HS3ST4: variants seen among roughly 807,000 people sequenced by gnomAD.
The protein encoded by HS3ST4 is heparan sulfate glucosamine 3-O-sulfotransferase 4.
Under a neutral mutation model 29.2 loss-of-function variants are expected in HS3ST4, and 17 were observed. That is an observed-to-expected ratio of 0.58 (90% CI 0.40 to 0.87). The LOEUF is 0.87. HS3ST4 is among the 40% of genes least tolerant of loss of function. The pLI, the probability that HS3ST4 is intolerant of heterozygous loss-of-function variation, is 0.00. For missense variants in HS3ST4, 627 were observed against 634.5 expected, an observed-to-expected ratio of 0.99 and a Z score of 0.13; for synonymous variants, 314 against 285.7, an observed-to-expected ratio of 1.10 and a Z score of -1.00.
chr16:26,031,269 G>A (rs1019646836), intron 1 of HS3ST4, among the ~76,000 whole-genome samples: 6 of 152,138 alleles, frequency 3.9e-5, no homozygotes, highest in African/African-American at 9.7e-5. Flanking sequence ...GCCACTCCCC[G>A]CCCCGGGAAG....
chr16:25,764,722 G>A (rs896006823), intron 1 of HS3ST4, among the ~76,000 whole-genome samples: 32 of 152,220 alleles, frequency 2.1e-4, no homozygotes, highest in African/African-American at 7.5e-4. Flanking sequence ...GGAAAATGAA[G>A]GGAGAATAAT....
intron 1 of HS3ST4, among the ~76,000 whole-genome samples, chr16:25,818,019 G>A (rs577677660): frequency 1.3e-5 from 2 of 152,178 alleles, no homozygotes; most frequent in African/African-American, 2.4e-5. Flanking sequence ...CCACTGTCTC[G>A]CGGCAAGCCA....
At chr16:25,733,863 A>G (rs1011620549) in intron 1 of HS3ST4, among the ~76,000 whole-genome samples, 1 of 152,198 alleles carries the variant, frequency 6.6e-6, no homozygotes, top group Non-Finnish European at 1.5e-5. Context: ...TCACGCCTGT[A>G]ATCTCAACAC....
intron 1 of HS3ST4, among the ~76,000 whole-genome samples, chr16:26,021,601 A>G (rs1255890870): frequency 6.6e-6 from 1 of 152,200 alleles, no homozygotes; most frequent in Non-Finnish European, 1.5e-5. Flanking sequence ...CTCACACATC[A>G]GACATGCGGC....
chr16:26,037,901 C>T (rs925870073), intron 1 of HS3ST4, among the ~76,000 whole-genome samples: 4 of 152,150 alleles, frequency 2.6e-5, no homozygotes, highest in African/African-American at 9.7e-5. Context: ...CCAGTCTTGC[C>T]TCTAGGGTCT....
intron 1 of HS3ST4, among the ~76,000 whole-genome samples, chr16:25,834,978 C>T (rs1308602951): frequency 6.6e-6 from 1 of 151,864 alleles, no homozygotes; most frequent in East Asian, 1.9e-4. Flanking sequence ...AAACAATAAA[C>T]CAACCATCCC....
intron 1 of HS3ST4, among the ~76,000 whole-genome samples, chr16:26,041,687 G>C (rs1160315238): frequency 6.6e-6 from 1 of 152,172 alleles, no homozygotes; most frequent in African/African-American, 2.4e-5. Flanking sequence ...AAAAAAATGA[G>C]TGTGGTTGTG....
chr16:26,034,283 A>T (rs1236856573), intron 1 of HS3ST4, among the ~76,000 whole-genome samples: 1 of 152,152 alleles, frequency 6.6e-6, no homozygotes, highest in Non-Finnish European at 1.5e-5. Flanking sequence ...GCAGCATTTA[A>T]GGGAGCTGTA....
At chr16:25,920,902 G>A (rs930681985) in intron 1 of HS3ST4, among the ~76,000 whole-genome samples, 7 of 152,172 alleles carry the variant, frequency 4.6e-5, no homozygotes, top group African/African-American at 1.7e-4. Context: ...ACAGGTGTGA[G>A]CCACCACGCC....
intron 1 of HS3ST4, among the ~76,000 whole-genome samples, chr16:25,746,554 G>GT (rs1237887499): frequency 2.2e-4 from 31 of 140,562 alleles, no homozygotes; most frequent in East Asian, 1.1e-3. Context: ...ACAATTGGTT[G>GT]GTTTTTTTTT....
intron 1 of HS3ST4, among the ~76,000 whole-genome samples, chr16:26,090,077 A>G (rs1017273389): frequency 6.6e-6 from 1 of 152,208 alleles, no homozygotes; most frequent in Admixed American, 6.5e-5. Flanking sequence ...AGTATCAGAC[A>G]CATTACAGGT....
At chr16:26,083,318 C>T (rs540432176) in intron 1 of HS3ST4, among the ~76,000 whole-genome samples, 82 of 152,304 alleles carry the variant, frequency 5.4e-4, no homozygotes, top group African/African-American at 1.7e-3. Flanking sequence ...TGTACTAAAT[C>T]GAGTGAGCTG....
intron 1 of HS3ST4, among the ~76,000 whole-genome samples, chr16:25,882,723 A>G (rs973351682): frequency 1.3e-5 from 2 of 152,142 alleles, no homozygotes; most frequent in African/African-American, 4.8e-5. Context: ...TGGGCAATTC[A>G]GATGGCATGA....
intron 1 of HS3ST4, among the ~76,000 whole-genome samples, chr16:25,805,348 G>A (rs1024219121): frequency 3.9e-5 from 6 of 152,174 alleles, no homozygotes; most frequent in Admixed American, 2.0e-4. Context: ...TGGAGATGCC[G>A]TTACTGGGCA....
intron 1 of HS3ST4, among the ~76,000 whole-genome samples, chr16:25,814,247 G>A (rs1967069883): frequency 6.6e-6 from 1 of 152,110 alleles, no homozygotes; most frequent in Admixed American, 6.5e-5. Context: ...AAATAATTAT[G>A]GAATGCAGCA....
chr16:25,814,895 G>A (rs998465836), intron 1 of HS3ST4, among the ~76,000 whole-genome samples: 1 of 152,214 alleles, frequency 6.6e-6, no homozygotes, highest in African/African-American at 2.4e-5. Flanking sequence ...ATATAGAGAC[G>A]CATCTTCATG....
intron 1 of HS3ST4, among the ~76,000 whole-genome samples, chr16:26,040,813 T>C (rs2141758588): frequency 6.6e-6 from 1 of 152,274 alleles, no homozygotes; most frequent in Admixed American, 6.5e-5. Flanking sequence ...TCATTTATAC[T>C]TCCTGTATGC....
chr16:25,737,174 G>A (rs1360268596), intron 1 of HS3ST4, among the ~76,000 whole-genome samples: 4 of 152,174 alleles, frequency 2.6e-5, no homozygotes, highest in South Asian at 4.1e-4. Context: ...AAAAAAGTAC[G>A]AGATCATGTC....
At chr16:25,869,614 A>C (rs536960711) in intron 1 of HS3ST4, among the ~76,000 whole-genome samples, 2 of 152,270 alleles carry the variant, frequency 1.3e-5, no homozygotes, top group South Asian at 4.2e-4. Context: ...TGCAAAACCC[A>C]CCATTCAGCC....
Sources: allele counts gnomAD v4.1 joint callset (sites outside exome capture counted in the v4.1 genomes callset), GRCh38; gene constraint gnomAD v4.1.1; transcripts MANE v1.5; gene names NCBI Gene and HGNC (gene_info 2026-07-23, HGNC 2026-07-21).